The following ALDH4A1 variants were observed in gnomAD, a reference collection of about 807,000 sequenced individuals.
ALDH4A1 encodes the protein delta-1-pyrroline-5-carboxylate dehydrogenase, mitochondrial.
Under a neutral mutation model 70.5 loss-of-function variants are expected in ALDH4A1, and 46 were observed. The ratio of observed to expected loss-of-function variants is 0.65; its 90% CI spans 0.51 to 0.83. The LOEUF (loss-of-function observed/expected upper bound fraction) is 0.83. ALDH4A1 is among the 40% of genes least tolerant of loss of function. The pLI is 0.00. For synonymous variants in ALDH4A1, 323 were observed against 324.3 expected (o/e 1.00, Z 0.04); for missense variants, 749 against 766.5 (o/e 0.98, Z 0.27).
intron 1 of ALDH4A1, chr1:18,897,174 T>C (rs1383151427): frequency 4.2e-6 from 2 of 473,900 alleles, no homozygotes; most frequent in Non-Finnish European, 8.7e-6. Flanking sequence ...TGGAGCATTT[T>C]GGACTTTGGA....
In ALDH4A1 at chr1:18,875,484, A is replaced by G. The variant is rs779150303; in HGVS notation, c.1358T>C (p.Leu453Pro). 7.4e-6 allele frequency: 12 copies of G among 1,614,158 alleles called. No homozygotes were observed. Among genetic ancestry groups the G allele is most frequent in the Non-Finnish European group, 1.0e-5 (12 of 1,180,010 alleles). Residue 453 changes from leucine (L) to proline (P), a missense_variant, in exon 13 of 15, where the codon CTG becomes CCG. Coordinates refer to ENST00000375341, the MANE Select transcript of ALDH4A1 (RefSeq NM_003748.4). Reference sequence around the variant, plus strand: ...GTCATCCGGGTAGACGTACACAGACAGTACAGGCCCGAAGATCTCCTAGGA... The same window carrying G: ...GTCATCCGGGTAGACGTACACAGACGGTACAGGCCCGAAGATCTCCTAGGA... ...IMKEEIFGPV[L>P]SVYVYPDDKY...
At chr1:18,877,633 G>GCACCCC in intron 9 of ALDH4A1, 21 bp from the exon 10 acceptor site, 1 of 683,744 alleles carries the variant, frequency 1.5e-6, no homozygotes, top group Non-Finnish European at 2.6e-6. Context: ...CGGGGGTGGG[G>GCACCCC]AAATGACCAG....
At chr1:18,874,755 A>T (rs902834863) in intron 13 of ALDH4A1, among the ~76,000 whole-genome samples, 174 bp from the exon 14 acceptor site, 2 of 152,232 alleles carry the variant, frequency 1.3e-5, no homozygotes, top group Non-Finnish European at 2.9e-5. Flanking sequence ...CAGGTTACCC[A>T]GTCTCTGAGC....
At chr1:18,883,574 C>T in intron 5 of ALDH4A1, 146 bp from the exon 6 acceptor site, 1 of 1,177,502 alleles carries the variant, frequency 8.5e-7, no homozygotes, top group Non-Finnish European at 1.2e-6. Context: ...AGGTCCCATC[C>T]CAGGGGCTGA....
intron 11 of ALDH4A1, 107 bp downstream of exon 11, chr1:18,877,101 T>A (rs1287307722): frequency 7.1e-7 from 1 of 1,400,906 alleles, no homozygotes; most frequent in Non-Finnish European, 9.9e-7. Context: ...ATCAAAGCAG[T>A]GGGGCTGGGT....
intron 9 of ALDH4A1, among the ~76,000 whole-genome samples, chr1:18,878,293 A>G (rs75308859): frequency 0.016 from 2,441 of 152,338 alleles, 74 homozygotes; most frequent in African/African-American, 0.055. Flanking sequence ...ACTGAGGCAC[A>G]GAGAGATGAA....
At chr1:18,885,293 C>T (rs1360727586) in intron 5 of ALDH4A1, 180 bp downstream of exon 5, 10 of 642,546 alleles carry the variant, frequency 1.6e-5, no homozygotes, top group South Asian at 5.7e-5. Context: ...CAATCTGTCT[C>T]GCCTAATAAT....
intron 1 of ALDH4A1, among the ~76,000 whole-genome samples, chr1:18,902,103 A>AG (rs1345189406): frequency 1.3e-5 from 2 of 152,126 alleles, no homozygotes; most frequent in African/African-American, 4.8e-5. Context: ...AGGGCCCCTC[A>AG]GGGGAAGCCA....
In ALDH4A1 at chr1:18,898,133, T is replaced by C. The variant is rs989117919; in HGVS notation, c.62+4329A>G. On this transcript the variant is annotated intron_variant, in intron 1 of 14. Transcript: ENST00000375341. The surrounding 1 kb of genome is among the most constrained non-coding windows in gnomAD (Gnocchi z 4.3). ...GAGGTTGAGATCATCCTGGCCAACA[T>C]GGTGAAACCCCGTCTCTACGAAAAA... is the stretch of plus-strand genomic sequence containing the variant. 9.2e-5 allele frequency among the ~76,000 whole-genome samples: 14 copies of C among 151,558 alleles called. No homozygotes were observed. Among genetic ancestry groups the C allele is most frequent in the African/African-American group, 3.4e-4 (14 of 41,240 alleles).
At chr1:18,897,083 G>A (rs1476283250) in intron 1 of ALDH4A1, 1 of 534,262 alleles carries the variant, frequency 1.9e-6, no homozygotes, top group East Asian at 5.4e-5. Context: ...GAGCATCCCT[G>A]ATCCAAAAAT....
intron 5 of ALDH4A1, 27 bp downstream of exon 5, chr1:18,885,446 A>AC: frequency 1.3e-5 from 6 of 461,624 alleles, no homozygotes; most frequent in South Asian, 5.8e-5. Flanking sequence ...ACCCCGCCCC[A>AC]CCCACCCGGG....
chr1:18,884,255 G>C (rs1310396671), intron 5 of ALDH4A1, among the ~76,000 whole-genome samples: 2 of 152,212 alleles, frequency 1.3e-5, no homozygotes, highest in Admixed American at 6.5e-5. Flanking sequence ...GAGGGCTGCT[G>C]AGCCAATCTA....
intron 7 of ALDH4A1, among the ~76,000 whole-genome samples, chr1:18,882,881 G>A (rs1470825309): frequency 6.6e-6 from 1 of 152,204 alleles, no homozygotes; most frequent in African/African-American, 2.4e-5. Flanking sequence ...CTTTGCAGAT[G>A]AGGAAACTGT....
chr1:18,877,586 C>A lies in ALDH4A1; in HGVS notation c.967G>T (p.Val323Leu). ...CTCTCCACGTCGGCCGAGCGGTGCACGAAGTGGAAGTTCTTTCCGCCGCAC... is the reference window on the plus strand; with the variant it reads ...CTCTCCACGTCGGCCGAGCGGTGCAAGAAGTGGAAGTTCTTTCCGCCGCAC... ...GECGGKNFHFVHRSADVESVV... is the reference protein window; with the variant it reads ...GECGGKNFHFLHRSADVESVV... Residue 323 changes from valine (V) to leucine (L), a missense_variant, in exon 10 of 15, where the codon GTG becomes TTG. Val to Leu is a conservative substitution (Grantham distance 32). Coordinates refer to ENST00000375341, the MANE Select transcript of ALDH4A1 (RefSeq NM_003748.4). 6.2e-7 allele frequency: 1 copy of A among 1,610,050 alleles called. No individual in the cohort carries two copies. Among genetic ancestry groups the A allele is most frequent in the Non-Finnish European group, 8.5e-7 (1 of 1,179,332 alleles).
intron 5 of ALDH4A1, 46 bp downstream of exon 5, chr1:18,885,427 T>TGCCACCCCCCCCCCCCCCCC: frequency 3.1e-6 from 2 of 650,922 alleles, no homozygotes; most frequent in Non-Finnish European, 5.4e-6. Context: ...CACACCTGAC[T>TGCCACCCCCCCCCCCCCCCC]CCCACCCCAC....
At chr1:18,887,471 T>C (rs866160393) in intron 3 of ALDH4A1, among the ~76,000 whole-genome samples, 30 of 152,320 alleles carry the variant, frequency 2.0e-4, no homozygotes, top group South Asian at 8.3e-4. Flanking sequence ...TGGTGGCGGA[T>C]GCCTGTAATC....
At position 18,890,186 on chromosome 1, in the gene ALDH4A1, AG is replaced by A. The variant is rs553907334; in HGVS notation, c.63-82del. The stretch of plus-strand genomic sequence containing the variant: ...AGACCCCAGCCCCTCTACCTCCGAC[AG>A]GGGGTCCTAGGTGGGCACCCAGAGC... On this transcript the variant is annotated intron_variant, in intron 1 of 14. Coordinates refer to ENST00000375341, the MANE Select transcript of ALDH4A1 (RefSeq NM_003748.4). 3.2e-4 allele frequency: 390 copies of A among 1,200,984 alleles called. 3 individuals are homozygous for A. The African/African-American group carries it at 5.5e-3, about 17-fold the overall frequency. 74.4% of individuals were successfully genotyped at this position (1,200,984 alleles called of 1,614,324 possible).
rs1277373671 is a variant in ALDH4A1, at chr1:18,890,015, T to C, written c.153A>G (p.Gln51=). The change falls in exon 2 of 15, where the codon CAA becomes CAG. Residue 51 remains glutamine (Q), a synonymous_variant. Transcript: ENST00000375341. Reference sequence around the variant, plus strand: ...GTGCCTCCCACCCTCCCATTACCTTTTGCAGGGCATCTCGCTCAGGGCTGC... The same window carrying C: ...GTGCCTCCCACCCTCCCATTACCTTCTGCAGGGCATCTCGCTCAGGGCTGC... The part of the protein sequence containing the change: ...TQGSPERDAL[Q]KALKDLKGRM... 1 of 1,606,556 alleles carries C rather than the reference T, an allele frequency of 6.2e-7. No individual in the cohort carries two copies. Among genetic ancestry groups the C allele is most frequent in the Admixed American group, 1.7e-5 (1 of 59,334 alleles).
rs193212893 is a variant in ALDH4A1 at position 18,895,099 on chromosome 1, A to G, written c.63-4994T>C. Among the ~76,000 whole-genome samples the G allele has an allele frequency of 3.6e-3, 541 of 152,272 alleles. 1 individual carries two copies. Among genetic ancestry groups the G allele is most frequent in the Non-Finnish European group, 6.1e-3 (417 of 68,006 alleles). On this transcript the variant is annotated intron_variant, in intron 1 of 14. Coordinates refer to ENST00000375341, the MANE Select transcript of ALDH4A1 (RefSeq NM_003748.4). The stretch of plus-strand genomic sequence containing the variant: ...TGCAGAGATAAATTGGATCAGGTCA[A>G]TAACAGCTCACTCAATTATTCAGCA...
Sources: allele counts gnomAD v4.1 joint callset (sites outside exome capture counted in the v4.1 genomes callset), GRCh38; gene constraint gnomAD v4.1.1; non-coding constraint Gnocchi (gnomAD v3.1); transcripts MANE v1.5; gene names NCBI Gene and HGNC (gene_info 2026-07-23, HGNC 2026-07-21).